The following SZT2 variants were observed in gnomAD, a reference collection of about 807,000 sequenced individuals.
SZT2 encodes SZT2 subunit of KICSTOR complex.
A neutral mutation model predicts 404.2 loss-of-function variants in SZT2; 216 were observed. The observed-to-expected ratio is 0.53, with a 90% CI of 0.48 to 0.60. The LOEUF (loss-of-function observed/expected upper bound fraction) is 0.60, where lower values mean the gene tolerates loss of function less well. SZT2 is among the 20% of genes least tolerant of loss of function. The pLI, the probability that SZT2 is intolerant of heterozygous loss-of-function variation, is 0.00. For missense variants in SZT2, 3,857 were observed against 4,459.2 expected, an observed-to-expected ratio of 0.86 and a Z score of 3.85; for synonymous variants, 1,693 against 1,749.9, an observed-to-expected ratio of 0.97 and a Z score of 0.81.
Position 43,421,428 on chromosome 1 carries a change from C to T in SZT2, c.1626+125C>T, listed in dbSNP as rs564415422. The T allele has an allele frequency of 1.0e-4, 135 of 1,339,988 alleles. No individual in the cohort carries two copies. The South Asian group carries it at 1.4e-3, about 14-fold the overall frequency. The allele number at this position is 1,339,988 out of a possible 1,614,324, so 83.0% of individuals were successfully genotyped here. ...GTCTAAGGCACCTAAGCCAGAAGCC[C>T]AAGCTTTAACCTTGAGAGCTTCTCT... On this transcript the variant is annotated intron_variant, in intron 11 of 71. Coordinates refer to ENST00000634258, the MANE Select transcript of SZT2 (RefSeq NM_001365999.1).
chr1:43,425,636 G>A lies in SZT2; in HGVS notation c.2808G>A (p.Pro936=), dbSNP rs777414549. The change falls in exon 19 of 72, where the codon CCG becomes CCA. Residue 936 remains proline (P), a synonymous_variant. Transcript: ENST00000634258. This position sits in a 1 kb window ranked among gnomAD's most constrained non-coding sequence, Gnocchi z 4.3. ...AGGACCTGACGTATTCTGAGATCCC[G>A]CAAGCTGTGAGTGTCCTCAGAACAG... ...HLQDLTYSEI[P]QALHPRDAAC... The A allele has an allele frequency of 8.7e-6, 14 of 1,613,804 alleles. No homozygotes were observed. Among genetic ancestry groups the A allele is most frequent in the Non-Finnish European group, 1.1e-5 (13 of 1,180,004 alleles).
At position 43,442,678 on chromosome 1, in the gene SZT2, A is replaced by G; in HGVS notation, c.8151+60A>G. On this transcript the variant is annotated intron_variant, in intron 58 of 71. Transcript: ENST00000634258. The surrounding 1 kb of genome is among the most constrained non-coding windows in gnomAD (Gnocchi z 4.5). ...CTACTGAGGGGTCAGTTAAAGGAAA[A>G]ACCAGCTCAGAAGCCAGAAAGATGG... The G allele has an allele frequency of 6.5e-7, 1 of 1,539,472 alleles. No individual in the cohort carries two copies.
rs373047934 is a variant in SZT2 at position 43,429,712 on chromosome 1, C to T, written c.4176C>T (p.Thr1392=). 5.3e-4 allele frequency: 855 copies of T among 1,614,026 alleles called. 3 individuals carry two copies. The highest frequency in any genetic ancestry group is 6.5e-4 in the Non-Finnish European group (768 of 1,180,040). ...TACCCCAACCATTCAGCATAGAGAC[C>T]GAGGACCTAAGCGAGCCTGAGTTTC... ...AILASESSIE[T]EDLSEPEFQS... Residue 1392 remains threonine, a synonymous_variant, in exon 29 of 72, where the codon ACC becomes ACT. Transcript: ENST00000634258.
intron 4 of SZT2, among the ~76,000 whole-genome samples, chr1:43,408,559 C>T (rs1400353615): frequency 1.3e-5 from 2 of 152,222 alleles, no homozygotes; most frequent in African/African-American, 2.4e-5. Flanking sequence ...AGCTGCTGTG[C>T]TTAGCCTGTC....
Position 43,419,759 on chromosome 1 carries a change from G to A in SZT2, c.905G>A (p.Cys302Tyr). The change falls in exon 8 of 72, where the codon TGC becomes TAC. Residue 302 changes from cysteine to tyrosine, a missense_variant. Physicochemically the swap from Cys to Tyr is radical, Grantham distance 194. Transcript: ENST00000634258. ...VQVGGVYSYD[C>Y]SFGHVPNVEL... ...GTGGGAGGAGTTTACTCTTATGACT[G>A]CAGTTTTGGCCATGTGCCCAATGTG... 1 of 1,598,384 alleles carries A rather than the reference G, an allele frequency of 6.3e-7. No homozygotes were observed. Among genetic ancestry groups the A allele is most frequent in the Non-Finnish European group, 8.5e-7 (1 of 1,179,774 alleles).
At chr1:43,411,570 A>G (rs1264763009) in intron 4 of SZT2, among the ~76,000 whole-genome samples, 1 of 152,182 alleles carries the variant, frequency 6.6e-6, no homozygotes, top group African/African-American at 2.4e-5. Flanking sequence ...TTGGGCAGGA[A>G]CCAGAAGAAC....
Position 43,440,567 on chromosome 1 carries a change from G to A in SZT2, c.7325G>A (p.Arg2442His), listed in dbSNP as rs146294336. The change falls in exon 52 of 72, where the codon CGT (arginine) becomes CAT (histidine). Residue 2442 changes from arginine to histidine, a missense_variant. Physicochemically the swap from Arg to His is conservative, Grantham distance 29 (BLOSUM62 0). This residue lies in a region of SZT2 where 573 missense variants were observed against 592.4 expected (regional missense o/e 0.97). Transcript: ENST00000634258. ...PVTPPSKAGRRSFWDMLSKTE... is the reference protein window; with the variant it reads ...PVTPPSKAGRHSFWDMLSKTE... ...ACTCCACCCAGCAAAGCGGGCCGGC[G>A]TAGCTTCTGGGATATGCTGGTAATG... is the stretch of plus-strand genomic sequence containing the variant. The A allele has an allele frequency of 1.6e-5, 25 of 1,602,168 alleles. No homozygotes were observed. Among genetic ancestry groups the A allele is most frequent in the Non-Finnish European group, 2.0e-5 (24 of 1,174,794 alleles).
rs1570566341 is a variant in SZT2, at chr1:43,403,956, T to C, written c.327+182T>C. On this transcript the variant is annotated intron_variant, in intron 3 of 71. Coordinates refer to ENST00000634258, the MANE Select transcript of SZT2 (RefSeq NM_001365999.1). ...CAGCTGTGGTGACTCATGCCTACAA[T>C]CCCAGTGCTTTGGGAAGCCAAGGCG... is the stretch of plus-strand genomic sequence containing the variant. 2.0e-5 allele frequency: 14 copies of C among 687,970 alleles called. No homozygotes were observed. The East Asian group carries it at 3.8e-4, about 19-fold the overall frequency. The allele number at this position is 687,970 out of a possible 1,614,324, so 42.6% of individuals were successfully genotyped here.
Position 43,426,771 on chromosome 1 carries a change from A to T in SZT2, c.3271A>T (p.Ser1091Cys). Residue 1091 changes from serine to cysteine, a missense_variant, in exon 23 of 72, where the codon AGC (serine) becomes TGC (cysteine). Physicochemically the swap from Ser to Cys is moderately radical, Grantham distance 112. Around this residue, in one of 7 missense-constraint regions of SZT2, gnomAD observed 1,725 missense variants for 1,881.0 expected, o/e 0.92. Coordinates refer to ENST00000634258, the MANE Select transcript of SZT2 (RefSeq NM_001365999.1). The surrounding 1 kb of genome is among the most constrained non-coding windows in gnomAD (Gnocchi z 4.9). ...GATCCCGAAGGAGCAAGCAGTCGGCAGCACCCAGGCCACAGGAGACTCCGC... is the reference window on the plus strand; with the variant it reads ...GATCCCGAAGGAGCAAGCAGTCGGCTGCACCCAGGCCACAGGAGACTCCGC... Reference protein sequence around the residue: ...HGIPKEQAVGSTQATGDSAFT... With the variant: ...HGIPKEQAVGCTQATGDSAFT... 6.2e-7 allele frequency: 1 copy of T among 1,613,848 alleles called. No individual in the cohort carries two copies. The highest frequency in any genetic ancestry group is 8.5e-7 in the Non-Finnish European group (1 of 1,179,914).
rs1015446086 is a variant in SZT2, at chr1:43,452,907, C to A, written c.*2427C>A. 6 of 1,601,428 alleles carry A rather than the reference C, an allele frequency of 3.7e-6. No individual in the cohort carries two copies. Among genetic ancestry groups the A allele is most frequent in the Non-Finnish European group, 5.1e-6 (6 of 1,174,904 alleles). ...CCATCCCAACAGGCTACATACATGT[C>A]CAGCCTCAGGAACGCTGCCAAATAC... On this transcript the variant is annotated 3_prime_UTR_variant, in exon 72 of 72. Transcript: ENST00000634258.
At position 43,446,967 on chromosome 1, in the gene SZT2, T is replaced by C; in HGVS notation, c.9085T>C (p.Phe3029Leu). The change falls in exon 66 of 72, where the codon TTC becomes CTC. Residue 3029 changes from phenylalanine (F) to leucine (L), a missense_variant. Around this residue, in one of 7 missense-constraint regions of SZT2, gnomAD observed 717 missense variants for 868.2 expected, o/e 0.83. Transcript: ENST00000634258. ...GCTGCCTCCCCAGCTGTCCATGCTGTTCACAGAGGAGTGTGACAAGGTGCG... is the reference window on the plus strand; with the variant it reads ...GCTGCCTCCCCAGCTGTCCATGCTGCTCACAGAGGAGTGTGACAAGGTGCG... Reference protein sequence around the residue: ...QAVNSQLSMLFTEECDKVRDL... With the variant: ...QAVNSQLSMLLTEECDKVRDL... 4 of 1,612,304 alleles carry C rather than the reference T, an allele frequency of 2.5e-6. No individual in the cohort carries two copies. Among genetic ancestry groups the C allele is most frequent in the Non-Finnish European group, 3.4e-6 (4 of 1,179,408 alleles).
At chr1:43,433,557 G>A (rs111538847) in intron 40 of SZT2, among the ~76,000 whole-genome samples, 12,089 of 152,276 alleles carry the variant, frequency 0.079, 648 homozygotes, top group Non-Finnish European at 0.12. Flanking sequence ...CGAGGCAGGC[G>A]GATCACTTGA....
chr1:43,414,033 G>C (rs1397013833), intron 4 of SZT2, among the ~76,000 whole-genome samples: 1 of 152,188 alleles, frequency 6.6e-6, no homozygotes, highest in Non-Finnish European at 1.5e-5. Flanking sequence ...TGTAATCCCA[G>C]CACTTTGGGA....
At chr1:43,411,847 TG>T (rs1252406506) in intron 4 of SZT2, 1 of 145,718 alleles carries the variant, frequency 6.9e-6, no homozygotes, top group Non-Finnish European at 1.5e-5. Context: ...GGCATGATCT[TG>T]GTTCATTGCA....
chr1:43,424,518 A>G lies in SZT2; in HGVS notation c.2471+86A>G, dbSNP rs1032342599. On this transcript the variant is annotated intron_variant, in intron 16 of 71. Transcript: ENST00000634258. This position sits in a 1 kb window ranked among gnomAD's most constrained non-coding sequence, Gnocchi z 4.1. ...CACTAGCAAAAAGCCTATAGCACAC[A>G]CTTCTCCTCTCTAATTCCCAGTCTG... 9.0e-6 allele frequency: 12 copies of G among 1,339,372 alleles called. No individual in the cohort carries two copies. Among genetic ancestry groups the G allele is most frequent in the African/African-American group, 1.4e-5 (1 of 69,304 alleles). The allele number at this position is 1,339,372 out of a possible 1,614,324, so 83.0% of individuals were successfully genotyped here.
At chr1:43,393,841 A>G (rs1225521119) in intron 1 of SZT2, among the ~76,000 whole-genome samples, 3 of 152,232 alleles carry the variant, frequency 2.0e-5, no homozygotes, top group Non-Finnish European at 1.5e-5. Flanking sequence ...TAAATATTCC[A>G]AAGAATGATA....
intron 1 of SZT2, among the ~76,000 whole-genome samples, chr1:43,394,921 A>G (rs1648817534): frequency 6.6e-6 from 1 of 152,080 alleles, no homozygotes; most frequent in African/African-American, 2.4e-5. Flanking sequence ...ATAGTTGTTG[A>G]CTTTGAAGGA....
intron 36 of SZT2, 90 bp downstream of exon 36, chr1:43,431,991 C>G (rs566497062): frequency 6.8e-7 from 1 of 1,476,578 alleles, no homozygotes; most frequent in Non-Finnish European, 9.3e-7. Flanking sequence ...TCTGTTAGTT[C>G]GAACTCATAG....
rs74574313 is a variant in SZT2 at position 43,402,169 on chromosome 1, T to G, written c.28-1008T>G. 6.0e-3 allele frequency among the ~76,000 whole-genome samples: 907 copies of G among 152,352 alleles called. 4 individuals carry two copies. Among genetic ancestry groups the G allele is most frequent in the Non-Finnish European group, 7.6e-3 (515 of 68,024 alleles). ...GCTCTTCAGTTCTTGCCACCTGGTG[T>G]TCTTTCCCTCATTAATCAGGGACAC... On this transcript the variant is annotated intron_variant, in intron 1 of 71. Coordinates refer to ENST00000634258, the MANE Select transcript of SZT2 (RefSeq NM_001365999.1).
Sources: gnomAD v4.1 joint callset for allele counts (sites outside exome capture counted in the v4.1 genomes callset) on GRCh38, gnomAD v4.1.1 for gene constraint, gnomAD v4.1.1 regional missense constraint, Gnocchi (gnomAD v3.1) non-coding constraint, MANE v1.5 for transcripts, NCBI Gene and HGNC (gene_info 2026-07-23, HGNC 2026-07-21) for gene names.